Variants in ZCCHC7 observed in about 807,000 individuals in gnomAD.
ZCCHC7 encodes the protein zinc finger CCHC-type containing 7.
Under a neutral mutation model 52.0 loss-of-function variants are expected in ZCCHC7, and 35 were observed. The observed-to-expected ratio is 0.67, with a 90% CI of 0.51 to 0.89. ZCCHC7 has a LOEUF of 0.89. Ranked by LOEUF, ZCCHC7 falls within the 40% of genes least tolerant of loss-of-function variation. The probability of loss-of-function intolerance (pLI) is 0.00; values close to 1 mark genes in which losing one functional copy is unlikely to be tolerated. For synonymous variants in ZCCHC7, 217 were observed against 221.5 expected (o/e 0.98, Z 0.18); for missense variants, 574 against 649.1 (o/e 0.88, Z 1.26).
chr9:37,273,417 G>A (rs1460978476), intron 2 of ZCCHC7, among the ~76,000 whole-genome samples: 3 of 152,134 alleles, frequency 2.0e-5, no homozygotes, highest in Non-Finnish European at 4.4e-5. Context: ...GCAGGAGAAT[G>A]GCGTGAACCT....
intron 2 of ZCCHC7, among the ~76,000 whole-genome samples, chr9:37,297,203 A>G (rs903293492): frequency 2.0e-5 from 3 of 152,200 alleles, no homozygotes; most frequent in African/African-American, 4.8e-5. Flanking sequence ...TAATTAAATT[A>G]GCCTTCTATT....
chr9:37,354,730 G>C lies in ZCCHC7; in HGVS notation c.1104G>C (p.Val368=), dbSNP rs778876702. 1.2e-6 allele frequency: 2 copies of C among 1,612,316 alleles called. No individual in the cohort carries two copies. Among genetic ancestry groups the C allele is most frequent in the Non-Finnish European group, 1.7e-6 (2 of 1,178,530 alleles). ...HYGHECPERE[V]YDPSPVSPFI... ...TATAGGAATGTCCAGAAAGAGAAGT[G>C]TATGACCCGTCTCCAGTATCTCCAT... Residue 368 remains valine, a synonymous_variant, in exon 8 of 9, where the codon GTG becomes GTC. Transcript: ENST00000336755. This position sits in a 1 kb window ranked among gnomAD's most constrained non-coding sequence, Gnocchi z 4.0.
At chr9:37,239,440 A>C (rs1353932552) in intron 2 of ZCCHC7, among the ~76,000 whole-genome samples, 1 of 152,070 alleles carries the variant, frequency 6.6e-6, no homozygotes, top group African/African-American at 2.4e-5. Context: ...GATGACCTTC[A>C]TGTTCTAGTC....
intron 2 of ZCCHC7, among the ~76,000 whole-genome samples, chr9:37,249,553 G>A (rs1396290102): frequency 6.9e-6 from 1 of 145,792 alleles, no homozygotes; most frequent in Non-Finnish European, 1.5e-5. Flanking sequence ...CTGGGTTCAA[G>A]CAATTCTCCT....
intron 2 of ZCCHC7, among the ~76,000 whole-genome samples, chr9:37,183,922 G>A (rs1487759800): frequency 6.6e-6 from 1 of 152,166 alleles, no homozygotes; most frequent in African/African-American, 2.4e-5. Flanking sequence ...TCCCCTCTTG[G>A]CCATCTGGTA....
At chr9:37,288,415 T>C (rs1457366524) in intron 2 of ZCCHC7, among the ~76,000 whole-genome samples, 1 of 151,280 alleles carries the variant, frequency 6.6e-6, no homozygotes, top group East Asian at 1.9e-4. Flanking sequence ...CCATCTAATA[T>C]ACAAATTCTT....
chr9:37,173,093 C>T (rs763349881), intron 2 of ZCCHC7, among the ~76,000 whole-genome samples: 8 of 148,420 alleles, frequency 5.4e-5, no homozygotes, highest in Admixed American at 1.3e-4. Context: ...GAGTGAGCAA[C>T]GTGGCCATTC....
At position 37,354,829 on chromosome 9, in the gene ZCCHC7, G is replaced by A; in HGVS notation, c.1198+5G>A. ...GACTAAAACAAAAAATAAAAGGTAT[G>A]TTGCTAGACTTCTTGTTAGATCACA... On this transcript the variant is annotated splice_donor_5th_base_variant and intron_variant, in intron 8 of 8. Transcript: ENST00000336755. The surrounding 1 kb of genome is among the most constrained non-coding windows in gnomAD (Gnocchi z 4.0). 6.4e-7 allele frequency: 1 copy of A among 1,559,304 alleles called. No homozygotes were observed. The highest frequency in any genetic ancestry group is 8.8e-7 in the Non-Finnish European group (1 of 1,134,660).
At chr9:37,304,355 C>A (rs1185035970) in intron 4 of ZCCHC7, 42 bp downstream of exon 4, 1 of 1,599,964 alleles carries the variant, frequency 6.3e-7, no homozygotes, top group South Asian at 1.1e-5. Context: ...TTTGTAAACT[C>A]AAAATCTCAA....
chr9:37,345,492 C>T (rs992370377), intron 6 of ZCCHC7, among the ~76,000 whole-genome samples: 1 of 152,174 alleles, frequency 6.6e-6, no homozygotes, highest in Non-Finnish European at 1.5e-5. Flanking sequence ...TTTGGGGAGG[C>T]TGAGGCAGGC....
Position 37,135,253 on chromosome 9 carries a change from A to G in ZCCHC7, c.610+8311A>G, listed in dbSNP as rs542281901. 2.0e-5 allele frequency among the ~76,000 whole-genome samples: 3 copies of G among 152,366 alleles called. No individual in the cohort carries two copies. In the East Asian group the frequency reaches 5.8e-4, roughly 29 times the overall value. ...AAGTGAATGAATAGTAATTTAAAAT[A>G]GTTGATGACTAATGCACTTGTTACA... is the stretch of plus-strand genomic sequence containing the variant. On this transcript the variant is annotated intron_variant, in intron 2 of 8. Transcript: ENST00000336755.
intron 2 of ZCCHC7, among the ~76,000 whole-genome samples, chr9:37,298,796 G>A (rs1008777462): frequency 6.6e-6 from 1 of 151,920 alleles, no homozygotes; most frequent in Admixed American, 6.6e-5. Flanking sequence ...TTTCCTTTAC[G>A]GCCCTGCCTT....
intron 2 of ZCCHC7, among the ~76,000 whole-genome samples, chr9:37,260,161 G>A (rs890681633): frequency 1.3e-5 from 2 of 152,212 alleles, no homozygotes; most frequent in East Asian, 1.9e-4. Flanking sequence ...AGGCTGGAGA[G>A]TTAATATTTG....
At chr9:37,188,628 CT>C (rs1156680384) in intron 2 of ZCCHC7, among the ~76,000 whole-genome samples, 1 of 34,570 alleles carries the variant, frequency 2.9e-5, no homozygotes, top group Non-Finnish European at 5.6e-5. Flanking sequence ...GCCCCTCCCC[CT>C]CCTTTCCCCT....
chr9:37,304,675 C>T (rs952226494), intron 4 of ZCCHC7, among the ~76,000 whole-genome samples: 2 of 151,010 alleles, frequency 1.3e-5, no homozygotes, highest in African/African-American at 4.9e-5. Flanking sequence ...AAAAAAATCT[C>T]AAGTGTGAAA....
chr9:37,158,003 A>G (rs574582150), intron 2 of ZCCHC7, among the ~76,000 whole-genome samples: 1 of 152,378 alleles, frequency 6.6e-6, no homozygotes, highest in African/African-American at 2.4e-5. Flanking sequence ...ATGTTACGTT[A>G]GAGTATATAC....
chr9:37,193,465 A>G (rs574194152), intron 2 of ZCCHC7, among the ~76,000 whole-genome samples: 50 of 152,312 alleles, frequency 3.3e-4, no homozygotes, highest in African/African-American at 1.2e-3. Flanking sequence ...TCTGTCTCAG[A>G]CCAATAATTA....
At position 37,305,611 on chromosome 9, in the gene ZCCHC7, G is replaced by A. The variant is rs923028764; in HGVS notation, c.848G>A (p.Cys283Tyr). Residue 283 changes from cysteine (C) to tyrosine (Y), a missense_variant, in exon 5 of 9, where the codon TGC becomes TAC. Cys to Tyr is a radical substitution (Grantham distance 194, BLOSUM62 -2). Transcript: ENST00000336755. ...HLLYSCPAPL[C>Y]EYCPVPKMLD... ...CTGTATTCCTGTCCAGCCCCCCTTT[G>A]CGAATACTGTCCTGTGCCTAAGATG... 6.2e-7 allele frequency: 1 copy of A among 1,613,920 alleles called. No homozygotes were observed. Among genetic ancestry groups the A allele is most frequent in the Non-Finnish European group, 8.5e-7 (1 of 1,180,002 alleles).
chr9:37,216,456 C>G (rs984710464), intron 2 of ZCCHC7, among the ~76,000 whole-genome samples: 71 of 152,186 alleles, frequency 4.7e-4, no homozygotes, highest in African/African-American at 1.6e-3. Context: ...GGGCGGATCA[C>G]TTGAGGTCAG....
Sources: gnomAD v4.1 joint callset for allele counts (sites outside exome capture counted in the v4.1 genomes callset) on GRCh38, gnomAD v4.1.1 for gene constraint, Gnocchi (gnomAD v3.1) non-coding constraint, MANE v1.5 for transcripts, NCBI Gene and HGNC (gene_info 2026-07-23, HGNC 2026-07-21) for gene names.